Variants in PDE10A observed in about 807,000 individuals in gnomAD.
PDE10A encodes cAMP and cAMP-inhibited cGMP 3',5'-cyclic phosphodiesterase 10A.
In PDE10A, 39 loss-of-function variants were observed where a neutral mutation model predicts 97.7. That is an observed-to-expected ratio of 0.40 (90% CI 0.31 to 0.52). PDE10A has a LOEUF of 0.52. Ranked by LOEUF, PDE10A falls within the 20% of genes least tolerant of loss-of-function variation. The pLI is 0.56. For synonymous variants in PDE10A, 371 were observed against 376.8 expected, an observed-to-expected ratio of 0.98 and a Z score of 0.18; for missense variants, 731 against 1,047.8, an observed-to-expected ratio of 0.70 and a Z score of 4.17.
intron 2 of PDE10A, among the ~76,000 whole-genome samples, chr6:165,489,114 G>GCCACCT (rs1340931824): frequency 6.6e-6 from 1 of 152,120 alleles, no homozygotes; most frequent in East Asian, 1.9e-4. Flanking sequence ...TCTTGACAGT[G>GCCACCT]CCACCTCCTG....
chr6:165,357,861 G>C (rs1036473750), intron 18 of PDE10A, among the ~76,000 whole-genome samples: 2 of 151,884 alleles, frequency 1.3e-5, no homozygotes, highest in Non-Finnish European at 2.9e-5. Context: ...CTCTTATCCA[G>C]ATTATTTACT....
intron 7 of PDE10A, among the ~76,000 whole-genome samples, chr6:165,432,489 C>A (rs763643332): frequency 1.3e-5 from 2 of 152,028 alleles, no homozygotes; most frequent in Non-Finnish European, 2.9e-5. Flanking sequence ...AGGAGTGAGG[C>A]CACTGAAGGA....
chr6:165,725,852 G>A lies in PDE10A; in HGVS notation c.-614-182284C>T, dbSNP rs751409794. On this transcript the variant is annotated intron_variant, in intron 1 of 19. Coordinates refer to the PDE10A transcript ENST00000366882. ...ATCCAACTTGTCCTCCCAGCTCCAT[G>A]CCATCCTCAGCAAACTTTCAATGTG... 9.2e-5 allele frequency among the ~76,000 whole-genome samples: 14 copies of A among 152,144 alleles called. 1 individual carries two copies. The highest frequency in any genetic ancestry group is 1.9e-4 in the Non-Finnish European group (13 of 68,018).
chr6:165,709,424 T>G (rs1233667677), intron 1 of PDE10A, among the ~76,000 whole-genome samples: 2 of 105,724 alleles, frequency 1.9e-5, no homozygotes, highest in East Asian at 3.4e-4. Context: ...TCCACCCCCA[T>G]GTTGTCATGC....
intron 1 of PDE10A, among the ~76,000 whole-genome samples, chr6:165,751,588 G>T (rs1793002312): frequency 6.6e-6 from 1 of 152,064 alleles, no homozygotes; most frequent in South Asian, 2.1e-4. Flanking sequence ...TTCTTTTCTG[G>T]TCACAACCCT....
chr6:165,532,624 A>C (rs192111918), intron 2 of PDE10A, among the ~76,000 whole-genome samples: 6 of 152,138 alleles, frequency 3.9e-5, no homozygotes, highest in African/African-American at 1.4e-4. Flanking sequence ...GAGCTAGCCA[A>C]AACACAGACT....
intron 1 of PDE10A, among the ~76,000 whole-genome samples, chr6:165,609,560 G>A (rs1444933412): frequency 1.3e-5 from 2 of 152,308 alleles, no homozygotes; most frequent in Non-Finnish European, 2.9e-5. Flanking sequence ...AAAAGAGGAA[G>A]TCAAATTGTC....
At chr6:165,535,852 T>C (rs1017122138) in intron 2 of PDE10A, among the ~76,000 whole-genome samples, 3 of 152,024 alleles carry the variant, frequency 2.0e-5, no homozygotes, top group East Asian at 1.9e-4. Flanking sequence ...ATTATGTTCA[T>C]GGATTGGAAG....
At chr6:165,522,969 A>T (rs117681829) in intron 2 of PDE10A, among the ~76,000 whole-genome samples, 3,193 of 152,244 alleles carry the variant, frequency 0.021, 55 homozygotes, top group Non-Finnish European at 0.03. Context: ...GTGTTTCTAT[A>T]TACCAACAGT....
chr6:165,546,730 T>G (rs1296288052), intron 1 of PDE10A, among the ~76,000 whole-genome samples: 2 of 151,898 alleles, frequency 1.3e-5, no homozygotes, highest in African/African-American at 4.8e-5. Context: ...AATGGTAGAG[T>G]GAGATGTTAC....
intron 18 of PDE10A, among the ~76,000 whole-genome samples, chr6:165,350,842 G>A (rs1413179943): frequency 6.6e-6 from 1 of 152,142 alleles, no homozygotes; most frequent in African/African-American, 2.4e-5. Context: ...CTACTGCCAT[G>A]TGAAGAAGGA....
At chr6:165,702,899 C>T (rs567803366) in intron 1 of PDE10A, among the ~76,000 whole-genome samples, 12 of 152,232 alleles carry the variant, frequency 7.9e-5, no homozygotes, top group African/African-American at 2.9e-4. Context: ...CAGGACCTGC[C>T]GTGGGAAAGG....
chr6:165,729,450 G>T (rs570352813), intron 1 of PDE10A, among the ~76,000 whole-genome samples: 56 of 152,200 alleles, frequency 3.7e-4, no homozygotes, highest in South Asian at 3.3e-3. Flanking sequence ...TATATTGGGA[G>T]ATACTAAGGA....
intron 1 of PDE10A, among the ~76,000 whole-genome samples, chr6:165,943,390 T>C (rs1783652834): frequency 8.0e-6 from 1 of 124,980 alleles, no homozygotes; most frequent in African/African-American, 3.2e-5. Context: ...GAACTGAGTA[T>C]ACAGATCTAT....
chr6:165,751,003 C>T (rs1792986365), intron 1 of PDE10A, among the ~76,000 whole-genome samples: 1 of 152,142 alleles, frequency 6.6e-6, no homozygotes, highest in East Asian at 1.9e-4. Context: ...CTTCACCAAG[C>T]CTTGTAGGGG....
intron 1 of PDE10A, among the ~76,000 whole-genome samples, chr6:165,611,423 G>A (rs936663744): frequency 6.6e-6 from 1 of 152,198 alleles, no homozygotes; most frequent in Non-Finnish European, 1.5e-5. Flanking sequence ...GGGCTCTGAT[G>A]AGCCTTACCA....
At chr6:165,970,012 T>C (rs955658382) in intron 1 of PDE10A, among the ~76,000 whole-genome samples, 1 of 152,218 alleles carries the variant, frequency 6.6e-6, no homozygotes, top group Non-Finnish European at 1.5e-5. Context: ...AGTGACCAAG[T>C]GGTCAAAGTA....
At chr6:165,387,573 A>T (rs1785395833) in intron 17 of PDE10A, among the ~76,000 whole-genome samples, 1 of 152,244 alleles carries the variant, frequency 6.6e-6, no homozygotes, top group Non-Finnish European at 1.5e-5. Flanking sequence ...TTGCTGTGAC[A>T]TCCTAAAAAC....
At chr6:165,920,655 T>TA (rs1177133345) in intron 1 of PDE10A, among the ~76,000 whole-genome samples, 3 of 152,186 alleles carry the variant, frequency 2.0e-5, no homozygotes, top group Non-Finnish European at 4.4e-5. Context: ...TTGAAATTAA[T>TA]AAGAAAATTG....
Sources: allele counts gnomAD v4.1 joint callset (sites outside exome capture counted in the v4.1 genomes callset), GRCh38; gene constraint gnomAD v4.1.1; transcripts MANE v1.5; gene names NCBI Gene and HGNC (gene_info 2026-07-23, HGNC 2026-07-21).